PRMT8: variants seen among roughly 807,000 people sequenced by gnomAD.
The protein encoded by PRMT8 is protein arginine methyltransferase 8, also known as protein arginine N-methyltransferase 8.
A neutral mutation model predicts 47.1 loss-of-function variants in PRMT8; 7 were observed. The observed-to-expected ratio is 0.15, with a 90% CI of 0.08 to 0.28. The LOEUF is 0.28. Among genes scored for constraint, PRMT8 ranks in the 10% least tolerant of loss-of-function variants. PRMT8 has a pLI of 1.00. For missense variants in PRMT8, 237 were observed against 505.4 expected (o/e 0.47, Z 5.09); for synonymous variants, 188 against 186.5 (o/e 1.01, Z -0.07).
chr12:3,442,141 A>G (rs1864809822), intron 1 of PRMT8, among the ~76,000 whole-genome samples: 1 of 152,242 alleles, frequency 6.6e-6, no homozygotes, highest in Non-Finnish European at 1.5e-5. Context: ...GCAACTCAGC[A>G]TCAAGCTAAA....
chr12:3,577,480 G>A lies in PRMT8; in HGVS notation c.828+494G>A, dbSNP rs770668079. Among the ~76,000 whole-genome samples the A allele has an allele frequency of 1.7e-4, 25 of 148,080 alleles. No individual in the cohort carries two copies. The East Asian group carries it at 3.4e-3, about 20-fold the overall frequency. On this transcript the variant is annotated intron_variant, in intron 7 of 9. Transcript: ENST00000382622. ...CCTGAGCGTCCCTGTTCATGCTCTC[G>A]CCTCCACATACACCTTTGCCCCAGC...
chr12:3,534,120 C>T (rs1866079668), intron 1 of PRMT8, among the ~76,000 whole-genome samples: 1 of 152,274 alleles, frequency 6.6e-6, no homozygotes, highest in African/African-American at 2.4e-5. Context: ...CACCCCTACT[C>T]TGTCCCCTCC....
At position 3,509,797 on chromosome 12, in the gene PRMT8, C is replaced by T. The variant is rs951445860; in HGVS notation, c.75+18097C>T. Among the ~76,000 whole-genome samples the T allele has an allele frequency of 5.9e-5, 9 of 152,236 alleles. No homozygotes were observed. In the South Asian group the frequency reaches 1.7e-3, roughly 28 times the overall value. ...TAAAGCAAGTCCGCAGTTAAGCTGTCCCAGTTAGATGTTCACTGCTGAAGA... is the reference window on the plus strand; with the variant it reads ...TAAAGCAAGTCCGCAGTTAAGCTGTTCCAGTTAGATGTTCACTGCTGAAGA... On this transcript the variant is annotated intron_variant, in intron 1 of 9. Coordinates refer to ENST00000382622, the MANE Select transcript of PRMT8 (RefSeq NM_019854.5).
rs917750421 is a variant in PRMT8, at chr12:3,592,171, C to T, written c.980-60C>T. ...TTCTATGCAGGGTCCCAGCCTCATC[C>T]CTTTGGAGACTTCGTCTCTGACTCT... On this transcript the variant is annotated intron_variant, in intron 8 of 9. Coordinates refer to ENST00000382622, the MANE Select transcript of PRMT8 (RefSeq NM_019854.5). The T allele has an allele frequency of 2.0e-6, 3 of 1,514,794 alleles. No individual in the cohort carries two copies. In the African/African-American group the frequency reaches 4.3e-5, roughly 22 times the overall value. 93.8% of individuals were successfully genotyped at this position (1,514,794 alleles called of 1,614,324 possible).
At chr12:3,457,993 C>T (rs1864994847) in intron 1 of PRMT8, among the ~76,000 whole-genome samples, 1 of 152,010 alleles carries the variant, frequency 6.6e-6, no homozygotes, top group African/African-American at 2.4e-5. Context: ...TAGGCATGTG[C>T]CATCATGCCC....
At position 3,562,035 on chromosome 12, in the gene PRMT8, G is replaced by T. The variant is rs958723798; in HGVS notation, c.482-6671G>T. 3.3e-5 allele frequency among the ~76,000 whole-genome samples: 5 copies of T among 152,160 alleles called. No individual in the cohort carries two copies. In the South Asian group the frequency reaches 1.0e-3, roughly 32 times the overall value. On this transcript the variant is annotated intron_variant, in intron 4 of 9. Coordinates refer to ENST00000382622, the MANE Select transcript of PRMT8 (RefSeq NM_019854.5). ...ATCTATACCACAGAATTCAGCAAAG[G>T]CGACAAACCAGGGCTTCTATCTCCT...
intron 1 of PRMT8, among the ~76,000 whole-genome samples, chr12:3,392,391 T>G (rs1591536491): frequency 8.1e-6 from 1 of 123,080 alleles, no homozygotes; most frequent in Admixed American, 1.0e-4. Flanking sequence ...TCCCCAGAGT[T>G]TGATGTTCCC....
At chr12:3,486,770 G>A (rs1865327293), upstream of PRMT8, among the ~76,000 whole-genome samples, 2 of 152,188 alleles carry the variant, frequency 1.3e-5, no homozygotes. Context: ...AAATGCAGAA[G>A]TATTATACTA....
intron 8 of PRMT8, among the ~76,000 whole-genome samples, chr12:3,587,936 T>G (rs1239319867): frequency 6.6e-6 from 1 of 152,072 alleles, no homozygotes; most frequent in African/African-American, 2.4e-5. Context: ...GGTTCCAGGC[T>G]GTGGCAGCCA....
chr12:3,465,857 C>T (rs894581414), intron 1 of PRMT8, among the ~76,000 whole-genome samples: 2 of 152,174 alleles, frequency 1.3e-5, no homozygotes, highest in African/African-American at 2.4e-5. Flanking sequence ...TGCACACATA[C>T]GCAGGAGGGT....
chr12:3,540,754 A>G lies in PRMT8; in HGVS notation c.224A>G (p.Tyr75Cys). ...CCAGAGGAGATGACCTCGAGAGATT[A>G]TTACTTCGACTCCTATGCCCACTTT... is the stretch of plus-strand genomic sequence containing the variant. ...LNPEEMTSRD[Y>C]YFDSYAHFGI... Residue 75 changes from tyrosine (Y) to cysteine (C), a missense_variant, in exon 2 of 10, where the codon TAT (tyrosine) becomes TGT (cysteine). Around this residue, in one of 5 missense-constraint regions of PRMT8, gnomAD observed 32 missense variants for 73.7 expected, o/e 0.43. Transcript: ENST00000382622. 6.2e-7 allele frequency: 1 copy of G among 1,614,062 alleles called. No homozygotes were observed. The highest frequency in any genetic ancestry group is 8.5e-7 in the Non-Finnish European group (1 of 1,179,996).
chr12:3,425,503 A>G (rs890686248), intron 1 of PRMT8, among the ~76,000 whole-genome samples: 1 of 152,262 alleles, frequency 6.6e-6, no homozygotes, highest in African/African-American at 2.4e-5. Context: ...TTGTCAGGTC[A>G]GGTAGCCCCA....
rs114134369 is a variant in PRMT8 at position 3,460,751 on chromosome 12, C to T, written c.48+79309C>T. Among the ~76,000 whole-genome samples the T allele has an allele frequency of 5.3e-3, 804 of 152,258 alleles. 9 individuals are homozygous for T. The highest frequency in any genetic ancestry group is 0.018 in the African/African-American group (762 of 41,540). On this transcript the variant is annotated intron_variant, in intron 1 of 9. Coordinates refer to the PRMT8 transcript ENST00000452611. ...CTATAGGTTTCAAACTTGGGGCTGT[C>T]GGATTTCAGAGCCCAAGCTTGTCAC...
intron 1 of PRMT8, among the ~76,000 whole-genome samples, chr12:3,445,614 T>C (rs917324780): frequency 1.3e-5 from 2 of 152,168 alleles, no homozygotes; most frequent in African/African-American, 4.8e-5. Flanking sequence ...ATCAGGGCAA[T>C]GCTGATCAGC....
chr12:3,516,216 T>C (rs951411676), intron 1 of PRMT8, among the ~76,000 whole-genome samples: 3 of 152,220 alleles, frequency 2.0e-5, no homozygotes, highest in Non-Finnish European at 4.4e-5. Flanking sequence ...CTACCTGGCA[T>C]GTGGCAGACT....
chr12:3,420,051 G>T lies in PRMT8; in HGVS notation c.48+38609G>T, dbSNP rs1218921839. On this transcript the variant is annotated intron_variant, in intron 1 of 9. Transcript: ENST00000452611. ...AGAGACAGACAGAGAGAGAGAGAGA[G>T]AGAGAGAGAGAGAAGGGCTGAGCCT... Among the ~76,000 whole-genome samples, 3 of 151,322 alleles carry T rather than the reference G, an allele frequency of 2.0e-5. No individual in the cohort carries two copies. In the East Asian group the frequency reaches 5.9e-4, roughly 30 times the overall value.
At position 3,557,241 on chromosome 12, in the gene PRMT8, C is replaced by T. The variant is rs1866543273; in HGVS notation, c.481+3527C>T. Among the ~76,000 whole-genome samples, 1 of 152,080 alleles carries T rather than the reference C, an allele frequency of 6.6e-6. No homozygotes were observed. Among genetic ancestry groups the T allele is most frequent in the African/African-American group, 2.4e-5 (1 of 41,392 alleles). The stretch of plus-strand genomic sequence containing the variant: ...TGTGTGATCTTTCTCTTACCACTCT[C>T]AGGAGCTCGAGTGCGATTGGAGTAG... On this transcript the variant is annotated intron_variant, in intron 4 of 9. Coordinates refer to ENST00000382622, the MANE Select transcript of PRMT8 (RefSeq NM_019854.5). This position sits in a 1 kb window ranked among gnomAD's most constrained non-coding sequence, Gnocchi z 4.7.
rs1865178543 is a variant in PRMT8, at chr12:3,473,272, C to A, written c.49-67334C>A. 2.0e-5 allele frequency among the ~76,000 whole-genome samples: 3 copies of A among 152,246 alleles called. No individual in the cohort carries two copies. In the South Asian group the frequency reaches 6.2e-4, roughly 32 times the overall value. ...CCCTTGGGCTGAAATCCCTGCTGAC[C>A]TTTGGATCATAAAGCCCAACAGACA... On this transcript the variant is annotated intron_variant, in intron 1 of 9. Transcript: ENST00000452611.
At position 3,552,998 on chromosome 12, in the gene PRMT8, G is replaced by A; in HGVS notation, c.418-653G>A. 1 of 311,084 alleles carries A rather than the reference G, an allele frequency of 3.2e-6. No homozygotes were observed. The highest frequency in any genetic ancestry group is 6.5e-6 in the Non-Finnish European group (1 of 154,700). The allele number at this position is 311,084 out of a possible 1,614,324, so 19.3% of individuals were successfully genotyped here. A position where few individuals can be genotyped will look rare whatever the true frequency, so the allele number is the denominator to read the frequency against. ...GCTTGGCTTCCAACCATTCCCATGA[G>A]GGCCTGCTCTCAGGGAAGGTCCACT... On this transcript the variant is annotated intron_variant, in intron 3 of 9. Transcript: ENST00000382622. This position sits in a 1 kb window ranked among gnomAD's most constrained non-coding sequence, Gnocchi z 4.5.
Sources: allele counts gnomAD v4.1 joint callset (sites outside exome capture counted in the v4.1 genomes callset), GRCh38; gene constraint gnomAD v4.1.1; regional missense constraint gnomAD v4.1.1; non-coding constraint Gnocchi (gnomAD v3.1); transcripts MANE v1.5; gene names NCBI Gene and HGNC (gene_info 2026-07-23, HGNC 2026-07-21).